MAML3: variants seen among roughly 807,000 people sequenced by gnomAD.
MAML3 encodes the protein mastermind-like protein 3.
In MAML3, 27 loss-of-function variants were observed where a neutral mutation model predicts 101.9. The ratio of observed to expected loss-of-function variants is 0.27; its 90% CI spans 0.20 to 0.37. The LOEUF (loss-of-function observed/expected upper bound fraction) is 0.37, where lower values mean the gene tolerates loss of function less well. Among genes scored for constraint, MAML3 ranks in the 10% least tolerant of loss-of-function variants. The pLI is 1.00. For synonymous variants in MAML3, 501 were observed against 555.9 expected (o/e 0.90, Z 1.39); for missense variants, 1,316 against 1,444.9 (o/e 0.91, Z 1.45).
intron 2 of MAML3, among the ~76,000 whole-genome samples, chr4:139,809,082 G>A (rs2111110226): frequency 6.6e-6 from 1 of 152,330 alleles, no homozygotes; most frequent in East Asian, 1.9e-4. Context: ...AAAAGGGCCT[G>A]CCAGGGTTCT....
intron 1 of MAML3, among the ~76,000 whole-genome samples, chr4:140,129,965 C>CAAAA (rs546032082): frequency 8.9e-6 from 1 of 112,794 alleles, no homozygotes; most frequent in Non-Finnish European, 1.8e-5. Context: ...AACTCCGTCT[C>CAAAA]AAAAAAAAAA....
intron 1 of MAML3, among the ~76,000 whole-genome samples, chr4:139,990,937 G>A (rs181354940): frequency 1.4e-4 from 22 of 152,306 alleles, no homozygotes; most frequent in African/African-American, 5.3e-4. Context: ...CCATGCTCAT[G>A]GGTAGGAGGA....
At chr4:139,869,697 C>A (rs1225907915) in intron 2 of MAML3, among the ~76,000 whole-genome samples, 2 of 152,156 alleles carry the variant, frequency 1.3e-5, no homozygotes, top group Admixed American at 1.3e-4. Context: ...AAAAAGAAAC[C>A]TTTATCTGAA....
intron 1 of MAML3, among the ~76,000 whole-genome samples, chr4:140,013,950 C>G (rs538166224): frequency 6.6e-6 from 1 of 151,842 alleles, no homozygotes; most frequent in Non-Finnish European, 1.5e-5. Context: ...GGTGTGGATC[C>G]CATTACACTT....
rs1578652791 is a variant in MAML3 at position 140,035,368 on chromosome 4, G to A, written c.468+117492C>T. ...GGAGTCCTTTCCAAATCAGATATCTGAACACAGGACCCAGGTTTTCCTCCT... is the reference window on the plus strand; with the variant it reads ...GGAGTCCTTTCCAAATCAGATATCTAAACACAGGACCCAGGTTTTCCTCCT... On this transcript the variant is annotated intron_variant, in intron 1 of 4. Transcript: ENST00000509479. 4.6e-5 allele frequency among the ~76,000 whole-genome samples: 7 copies of A among 152,202 alleles called. No individual in the cohort carries two copies. The South Asian group carries it at 1.5e-3, about 32-fold the overall frequency.
intron 2 of MAML3, among the ~76,000 whole-genome samples, chr4:139,837,320 C>T (rs887460447): frequency 1.3e-5 from 2 of 151,326 alleles, no homozygotes; most frequent in Non-Finnish European, 2.9e-5. Context: ...CACGGTGAAA[C>T]CCTGTCTTTA....
intron 2 of MAML3, among the ~76,000 whole-genome samples, chr4:139,846,567 C>G (rs1356896961): frequency 6.6e-6 from 1 of 152,102 alleles, no homozygotes; most frequent in Non-Finnish European, 1.5e-5. Flanking sequence ...AGATTGGTCT[C>G]GAACTCCTGG....
At chr4:140,133,819 CATGCTGCATAATCAGA>C (rs1200321005) in intron 1 of MAML3, among the ~76,000 whole-genome samples, 1 of 152,182 alleles carries the variant, frequency 6.6e-6, no homozygotes, top group Non-Finnish European at 1.5e-5. Context: ...ATCCTATAAG[CATGCTGCATAATCAGA>C]ATGTCTGTCT....
At chr4:140,106,373 A>G (rs1245243014) in intron 1 of MAML3, among the ~76,000 whole-genome samples, 3 of 152,180 alleles carry the variant, frequency 2.0e-5, no homozygotes, top group Non-Finnish European at 4.4e-5. Context: ...AACTCTCCCA[A>G]GTAAATTTCC....
intron 2 of MAML3, among the ~76,000 whole-genome samples, chr4:139,803,164 G>C (rs1456233360): frequency 6.6e-6 from 1 of 152,146 alleles, no homozygotes; most frequent in Non-Finnish European, 1.5e-5. Flanking sequence ...TATGAGGCGG[G>C]AGAATTGCTT....
intron 2 of MAML3, among the ~76,000 whole-genome samples, chr4:139,792,838 G>A (rs1048849596): frequency 3.3e-5 from 5 of 151,178 alleles, no homozygotes; most frequent in African/African-American, 1.2e-4. Flanking sequence ...TCCGCCTCCC[G>A]GGTTCACGCC....
intron 2 of MAML3, among the ~76,000 whole-genome samples, chr4:139,812,436 C>A (rs1730822341): frequency 6.6e-6 from 1 of 152,196 alleles, no homozygotes; most frequent in Non-Finnish European, 1.5e-5. Flanking sequence ...TCCCTCTCCA[C>A]CCTAAAAGGG....
chr4:140,069,816 TAA>T (rs1157399266), intron 1 of MAML3, among the ~76,000 whole-genome samples: 1 of 144,166 alleles, frequency 6.9e-6, no homozygotes. Flanking sequence ...CTGGAGTCCT[TAA>T]AAAAAAAAAA....
intron 2 of MAML3, among the ~76,000 whole-genome samples, chr4:139,801,239 TAG>T (rs1730599370): frequency 2.0e-5 from 3 of 152,236 alleles, no homozygotes; most frequent in Admixed American, 2.0e-4. Context: ...AGATAAAATA[TAG>T]AACACCCAGT....
At chr4:140,117,387 T>G (rs1331757253) in intron 1 of MAML3, among the ~76,000 whole-genome samples, 2 of 151,574 alleles carry the variant, frequency 1.3e-5, no homozygotes, top group African/African-American at 4.8e-5. Context: ...CAAAAATAAG[T>G]TAAACTTTAA....
chr4:139,952,665 T>G (rs1419546043), intron 1 of MAML3, among the ~76,000 whole-genome samples: 1 of 152,218 alleles, frequency 6.6e-6, no homozygotes, highest in African/African-American at 2.4e-5. Flanking sequence ...AATTTGATGC[T>G]GGTGAGTGGC....
At chr4:139,833,920 G>T (rs1485570258) in intron 2 of MAML3, among the ~76,000 whole-genome samples, 1 of 152,120 alleles carries the variant, frequency 6.6e-6, no homozygotes, top group East Asian at 1.9e-4. Flanking sequence ...TTAGGCTGGG[G>T]GTGGGGCTTC....
intron 1 of MAML3, among the ~76,000 whole-genome samples, chr4:140,022,602 A>G (rs1192802617): frequency 1.3e-5 from 2 of 152,242 alleles, no homozygotes; most frequent in African/African-American, 4.8e-5. Context: ...CAATGTATTA[A>G]CTTGGTTCTA....
At chr4:140,031,639 G>A (rs1224545526) in intron 1 of MAML3, among the ~76,000 whole-genome samples, 1 of 152,154 alleles carries the variant, frequency 6.6e-6, no homozygotes, top group Non-Finnish European at 1.5e-5. Context: ...TTGTTGAAGT[G>A]GGATTTAAGT....
Sources: gnomAD v4.1 joint callset for allele counts (sites outside exome capture counted in the v4.1 genomes callset) on GRCh38, gnomAD v4.1.1 for gene constraint, MANE v1.5 for transcripts, NCBI Gene and HGNC (gene_info 2026-07-23, HGNC 2026-07-21) for gene names.